The following HTR2C variants were observed in gnomAD, a reference collection of about 807,000 sequenced individuals.
HTR2C encodes 5-hydroxytryptamine receptor 2C, also known as 5-hydroxytryptamine (serotonin) receptor 2C, G protein-coupled.
In HTR2C, 5 loss-of-function variants were observed where a neutral mutation model predicts 21.0. That is an observed-to-expected ratio of 0.24 (90% CI 0.12 to 0.50). HTR2C has a LOEUF of 0.50. Among genes scored for constraint, HTR2C ranks in the 20% least tolerant of loss-of-function variants. The probability of loss-of-function intolerance (pLI) is 0.98; values close to 1 mark genes in which losing one functional copy is unlikely to be tolerated. For missense variants in HTR2C, 271 were observed against 371.2 expected, an observed-to-expected ratio of 0.73 and a Z score of 2.22; for synonymous variants, 150 against 145.3, an observed-to-expected ratio of 1.03 and a Z score of -0.23.
chrX:114,738,995 C>A (rs1426230842), intron 4 of HTR2C, among the ~76,000 whole-genome samples: 1 of 109,545 alleles, frequency 9.1e-6, no homozygotes, highest in Admixed American at 9.8e-5. Context: ...TATATTAATA[C>A]ATTATTATAT....
At chrX:114,742,727 A>ATTTT (rs1199987469) in intron 4 of HTR2C, among the ~76,000 whole-genome samples, 7 of 71,337 alleles carry the variant, frequency 9.8e-5, no homozygotes, top group Admixed American at 1.9e-4. Flanking sequence ...TTTTTTTTTA[A>ATTTT]TTTTTTTTTT....
chrX:114,607,088 C>G (rs1315933961), intron 1 of HTR2C, among the ~76,000 whole-genome samples: 1 of 109,266 alleles, frequency 9.2e-6, no homozygotes, highest in African/African-American at 3.4e-5. Flanking sequence ...AAGGACCGGC[C>G]ATTTACACTT....
At chrX:114,725,530 T>A (rs980018210) in intron 2 of HTR2C, among the ~76,000 whole-genome samples, 5 of 112,590 alleles carry the variant, frequency 4.4e-5, no homozygotes, top group African/African-American at 1.6e-4. Flanking sequence ...AAAGTCATTC[T>A]CCATCCAGCT....
chrX:114,756,473 T>C (rs1259813580), intron 4 of HTR2C, among the ~76,000 whole-genome samples: 1 of 111,895 alleles, frequency 8.9e-6, no homozygotes, highest in Non-Finnish European at 1.9e-5. Context: ...CTGTGGTACC[T>C]CCATACCATG....
chrX:114,704,142 T>A (rs1336400916), intron 2 of HTR2C, among the ~76,000 whole-genome samples: 1 of 111,456 alleles, frequency 9.0e-6, no homozygotes, highest in African/African-American at 3.3e-5. Flanking sequence ...AAGGAGGAAC[T>A]GGTACCATTC....
chrX:114,713,230 A>T (rs782044372), intron 2 of HTR2C, among the ~76,000 whole-genome samples: 1 of 111,321 alleles, frequency 9.0e-6, no homozygotes, highest in Non-Finnish European at 1.9e-5. Flanking sequence ...TCTTCGTTGA[A>T]TTATTTAAAA....
At chrX:114,752,051 A>G (rs2069765425) in intron 4 of HTR2C, among the ~76,000 whole-genome samples, 1 of 112,422 alleles carries the variant, frequency 8.9e-6, no homozygotes, top group Non-Finnish European at 1.9e-5. Context: ...CATATCAGAT[A>G]TATAACAGCA....
chrX:114,837,819 A>G (rs1055699755), intron 4 of HTR2C, among the ~76,000 whole-genome samples: 5 of 111,458 alleles, frequency 4.5e-5, no homozygotes, highest in African/African-American at 1.6e-4. Flanking sequence ...GTAATGGGGT[A>G]AACTGGCATC....
At chrX:114,592,622 C>T (rs1927679984) in intron 1 of HTR2C, among the ~76,000 whole-genome samples, 1 of 111,891 alleles carries the variant, frequency 8.9e-6, no homozygotes, top group African/African-American at 3.2e-5. Flanking sequence ...TGGATTCATT[C>T]GTGGATAACT....
chrX:114,870,340 C>T (rs2071082277), intron 5 of HTR2C, among the ~76,000 whole-genome samples: 1 of 110,786 alleles, frequency 9.0e-6, no homozygotes, highest in African/African-American at 3.3e-5. Flanking sequence ...CCTCGGCCTC[C>T]AAAAGGACTA....
chrX:114,852,150 A>G (rs1556469466), intron 5 of HTR2C, among the ~76,000 whole-genome samples: 1 of 111,235 alleles, frequency 9.0e-6, no homozygotes, highest in East Asian at 2.8e-4. Context: ...CATATAGTCA[A>G]AGCATTGTCT....
intron 2 of HTR2C, among the ~76,000 whole-genome samples, chrX:114,618,133 A>G (rs1293979398): frequency 2.7e-5 from 3 of 112,320 alleles, no homozygotes; most frequent in Non-Finnish European, 5.6e-5. Context: ...TGATTATCGT[A>G]ATTAATAATC....
At chrX:114,747,576 T>C in intron 4 of HTR2C, among the ~76,000 whole-genome samples, 1 of 112,350 alleles carries the variant, frequency 8.9e-6, no homozygotes. Flanking sequence ...CCCTCCCTTT[T>C]GGTGTGAGAA....
chrX:114,730,034 T>C (rs1434783603), intron 3 of HTR2C, among the ~76,000 whole-genome samples: 2 of 111,752 alleles, frequency 1.8e-5, no homozygotes, highest in African/African-American at 6.5e-5. Context: ...TTACTACACA[T>C]GGAATAAACA....
chrX:114,907,759 C>T lies in HTR2C; in HGVS notation c.*344C>T. The T allele has an allele frequency of 5.7e-6, 1 of 174,103 alleles. No homozygotes were observed. 14.3% of individuals were successfully genotyped at this position (174,103 alleles called of 1,213,427 possible). A position where few individuals can be genotyped will look rare whatever the true frequency, so the allele number is the denominator to read the frequency against. On this transcript the variant is annotated 3_prime_UTR_variant, in exon 6 of 6. Transcript: ENST00000276198. ...CAACGTTCATGTTCATCTCAGGTGG[C>T]ATTTGCAGGTGACCAGAATGAGGCA...
intron 4 of HTR2C, among the ~76,000 whole-genome samples, chrX:114,834,338 G>A (rs2070759517): frequency 9.6e-6 from 1 of 104,606 alleles, no homozygotes; most frequent in Non-Finnish European, 2.0e-5. Flanking sequence ...GGGAGTCTAA[G>A]TCTCTTTGTA....
At chrX:114,622,790 C>T (rs782552544) in intron 2 of HTR2C, among the ~76,000 whole-genome samples, 1 of 111,797 alleles carries the variant, frequency 8.9e-6, no homozygotes, top group East Asian at 2.8e-4. Context: ...GGAGAATTTC[C>T]GCTTTTCCAC....
intron 5 of HTR2C, among the ~76,000 whole-genome samples, chrX:114,889,126 G>A (rs1243724687): frequency 8.9e-6 from 1 of 111,888 alleles, no homozygotes; most frequent in African/African-American, 3.2e-5. Context: ...AGGATTGGCT[G>A]TTTTCACTAT....
At chrX:114,719,649 A>T (rs1168161433) in intron 2 of HTR2C, among the ~76,000 whole-genome samples, 1 of 111,783 alleles carries the variant, frequency 8.9e-6, no homozygotes, top group African/African-American at 3.2e-5. Context: ...TTGGAAATCT[A>T]TATACATAAT....
Sources: allele counts gnomAD v4.1 joint callset (sites outside exome capture counted in the v4.1 genomes callset), GRCh38; gene constraint gnomAD v4.1.1; transcripts MANE v1.5; gene names NCBI Gene and HGNC (gene_info 2026-07-23, HGNC 2026-07-21).